Variants in BAZ2B observed in about 807,000 individuals in gnomAD.
BAZ2B encodes bromodomain adjacent to zinc finger domain 2B.
In BAZ2B, 91 loss-of-function variants were observed where a neutral mutation model predicts 246.0. The observed-to-expected ratio is 0.37, with a 90% confidence interval of 0.31 to 0.44. The LOEUF is 0.44. Among genes scored for constraint, BAZ2B ranks in the 20% least tolerant of loss-of-function variants. The probability of loss-of-function intolerance (pLI) is 1.00; values close to 1 mark genes in which losing one functional copy is unlikely to be tolerated. For missense variants in BAZ2B, 2,332 were observed against 2,533.7 expected, an observed-to-expected ratio of 0.92 and a Z score of 1.71; for synonymous variants, 855 against 860.0, an observed-to-expected ratio of 0.99 and a Z score of 0.10.
intron 16 of BAZ2B, among the ~76,000 whole-genome samples, chr2:159,401,029 C>T (rs1369063074): frequency 1.3e-5 from 2 of 151,302 alleles, no homozygotes; most frequent in African/African-American, 2.4e-5. Context: ...GGCGACAGAG[C>T]GAGACTCCGT....
At chr2:159,406,607 A>C (rs1024698225) in intron 14 of BAZ2B, among the ~76,000 whole-genome samples, 2 of 152,192 alleles carry the variant, frequency 1.3e-5, no homozygotes, top group Non-Finnish European at 2.9e-5. Flanking sequence ...TGTATTATAC[A>C]TTGTTTAAAT....
At position 159,320,319 on chromosome 2, in the gene BAZ2B, G is replaced by T; in HGVS notation, c.6453C>A (p.His2151Gln). 6.4e-7 allele frequency: 1 copy of T among 1,572,234 alleles called. No homozygotes were observed. The highest frequency in any genetic ancestry group is 8.6e-7 in the Non-Finnish European group (1 of 1,169,206). ...EDDSDIGRAG[H>Q]NMRKYFEKKW... ...TTTTTTCAAAATACTTCCTCATATT[G>T]TGGCCAGCTCTGCCTATATCAGAAT... The change falls in exon 37 of 37, where the codon CAC becomes CAA. Residue 2151 changes from histidine to glutamine, a missense_variant. Coordinates refer to ENST00000392783, the MANE Select transcript of BAZ2B (RefSeq NM_013450.4).
At chr2:159,502,467 GAAA>G (rs34450681) in intron 2 of BAZ2B, among the ~76,000 whole-genome samples, 6 of 137,692 alleles carry the variant, frequency 4.4e-5, no homozygotes, top group Non-Finnish European at 3.1e-5. Flanking sequence ...TCTCAAAAAG[GAAA>G]AAAAAAAAAA....
At position 159,440,123 on chromosome 2, in the gene BAZ2B, T is replaced by C. The variant is rs1412532190; in HGVS notation, c.697-911A>G. 3.3e-5 allele frequency among the ~76,000 whole-genome samples: 5 copies of C among 152,182 alleles called. No homozygotes were observed. In the South Asian group the frequency reaches 6.2e-4, roughly 19 times the overall value. The stretch of plus-strand genomic sequence containing the variant: ...AGTACAAGCTCTGTCATGTAGATTA[T>C]TGAAAATATTCATAATTATTTAACA... On this transcript the variant is annotated intron_variant, in intron 6 of 36. Coordinates refer to ENST00000392783, the MANE Select transcript of BAZ2B (RefSeq NM_013450.4).
intron 1 of BAZ2B, among the ~76,000 whole-genome samples, chr2:159,585,276 A>G (rs1165355677): frequency 6.6e-6 from 1 of 152,204 alleles, no homozygotes; most frequent in Non-Finnish European, 1.5e-5. Context: ...CAAGAAGACA[A>G]TTGGCTGTAA....
chr2:159,516,779 C>A (rs1179061772), intron 2 of BAZ2B: 1 of 152,082 alleles, frequency 6.6e-6, no homozygotes, highest in Non-Finnish European at 1.5e-5. Flanking sequence ...TTATTAATGT[C>A]AAACAGACAA....
chr2:159,655,303 G>A, the BAZ2B span, among the ~76,000 whole-genome samples: 1 of 152,120 alleles, frequency 6.6e-6, no homozygotes, highest in African/African-American at 2.4e-5. Flanking sequence ...ATTTCTGAAA[G>A]CTAATTTTGT....
At chr2:159,625,925 G>A in the BAZ2B span, among the ~76,000 whole-genome samples, 1 of 151,494 alleles carries the variant, frequency 6.6e-6, no homozygotes, top group South Asian at 2.1e-4. Context: ...GTATTCAGGA[G>A]ACCCATCTCA....
chr2:159,574,091 C>T (rs1684665149), intron 1 of BAZ2B, among the ~76,000 whole-genome samples: 1 of 149,352 alleles, frequency 6.7e-6, no homozygotes, highest in Non-Finnish European at 1.5e-5. Flanking sequence ...ACAGTGAGAC[C>T]CAGACCCTGA....
chr2:159,528,998 G>A (rs2085062749), intron 2 of BAZ2B, among the ~76,000 whole-genome samples: 1 of 151,038 alleles, frequency 6.6e-6, no homozygotes. Flanking sequence ...AGCATTAGGA[G>A]ATATACCTAA....
chr2:159,620,295 C>G (rs1352015204), upstream of BAZ2B, among the ~76,000 whole-genome samples: 1 of 152,130 alleles, frequency 6.6e-6, no homozygotes, highest in African/African-American at 2.4e-5. Context: ...TATCTTGTTT[C>G]TGTTTCAATC....
At chr2:159,463,138 C>G (rs1423610160) in intron 3 of BAZ2B, 1 of 648,686 alleles carries the variant, frequency 1.5e-6, no homozygotes, top group African/African-American at 1.8e-5. Flanking sequence ...GTCATTATTA[C>G]ATAGTAGCCG....
intron 2 of BAZ2B, among the ~76,000 whole-genome samples, chr2:159,484,522 G>A (rs1274632249): frequency 2.0e-5 from 3 of 152,106 alleles, no homozygotes; most frequent in Non-Finnish European, 4.4e-5. Context: ...ACAATTCTGA[G>A]CGCAAATAAA....
At chr2:159,655,142 A>T in the BAZ2B span, among the ~76,000 whole-genome samples, 1 of 152,166 alleles carries the variant, frequency 6.6e-6, no homozygotes, top group South Asian at 2.1e-4. Flanking sequence ...CACTATAGTC[A>T]CATTAAAAGT....
At chr2:159,631,053 G>A in the BAZ2B span, among the ~76,000 whole-genome samples, 12 of 151,970 alleles carry the variant, frequency 7.9e-5, no homozygotes, top group Non-Finnish European at 1.8e-4. Flanking sequence ...AAATTTACCC[G>A]GGCATGGTGG....
intron 14 of BAZ2B, among the ~76,000 whole-genome samples, chr2:159,407,016 A>T (rs1046438687): frequency 6.6e-6 from 1 of 151,810 alleles, no homozygotes; most frequent in Non-Finnish European, 1.5e-5. Context: ...GGCCTCCCAA[A>T]GTGCTGGGAT....
intron 2 of BAZ2B, among the ~76,000 whole-genome samples, chr2:159,501,151 TATATATAA>T (rs2081696446): frequency 6.0e-5 from 2 of 33,218 alleles, no homozygotes; most frequent in Non-Finnish European, 1.5e-4. Context: ...ATATATATAA[TATATATAA>T]ATATATAATA....
At chr2:159,652,549 A>C in the BAZ2B span, among the ~76,000 whole-genome samples, 1 of 152,138 alleles carries the variant, frequency 6.6e-6, no homozygotes, top group Non-Finnish European at 1.5e-5. Flanking sequence ...TAGTGGGCAC[A>C]AAGTGGCATC....
chr2:159,582,480 C>T (rs902006502), intron 1 of BAZ2B, among the ~76,000 whole-genome samples: 26 of 152,308 alleles, frequency 1.7e-4, no homozygotes, highest in Admixed American at 1.6e-3. Flanking sequence ...ACTGCAGCTT[C>T]AGCCTCCCAG....
Sources: allele counts gnomAD v4.1 joint callset (sites outside exome capture counted in the v4.1 genomes callset), GRCh38; gene constraint gnomAD v4.1.1; transcripts MANE v1.5; gene names NCBI Gene and HGNC (gene_info 2026-07-23, HGNC 2026-07-21).